Variants in DMPK observed in about 807,000 individuals in gnomAD.
DMPK encodes myotonin-protein kinase.
In DMPK, 32 loss-of-function variants were observed where a neutral mutation model predicts 70.3. The ratio of observed to expected loss-of-function variants is 0.46; its 90% CI spans 0.34 to 0.61. The LOEUF (loss-of-function observed/expected upper bound fraction) is 0.61, where lower values mean the gene tolerates loss of function less well. Among genes scored for constraint, DMPK ranks in the 20% least tolerant of loss-of-function variants. The pLI, the probability that DMPK is intolerant of heterozygous loss-of-function variation, is 0.01. For missense variants in DMPK, 899 were observed against 886.0 expected (o/e 1.01, Z -0.19); for synonymous variants, 469 against 390.9 (o/e 1.20, Z -2.36).
At position 45,772,694 on chromosome 19, in the gene DMPK, G is replaced by T. The variant is rs370658995; in HGVS notation, c.1291C>A (p.Pro431Thr). 1 of 1,526,140 alleles carries T rather than the reference G, an allele frequency of 6.6e-7. No individual in the cohort carries two copies. 94.5% of individuals were successfully genotyped at this position (1,526,140 alleles called of 1,614,324 possible). A position where few individuals can be genotyped will look rare whatever the true frequency, so the allele number is the denominator to read the frequency against. The change falls in exon 10 of 15, where the codon CCA (proline) becomes ACA (threonine). Residue 431 changes from proline to threonine, a missense_variant. By Grantham distance (38) the Pro-to-Thr change is conservative. Transcript: ENST00000291270. ...MELEAEQLLE[P>T]HVQAPSLEPS... ...TCCAGGCTGGGCGCTTGCACGTGTGGCTCAAGCAGCTGCTCGGCCTCCAGT... is the reference window on the plus strand; with the variant it reads ...TCCAGGCTGGGCGCTTGCACGTGTGTCTCAAGCAGCTGCTCGGCCTCCAGT...
chr19:45,771,664 G>C lies in DMPK; in HGVS notation c.1504C>G (p.Gln502Glu), dbSNP rs1969457861. The C allele has an allele frequency of 1.9e-6, 3 of 1,613,924 alleles. No homozygotes were observed. The highest frequency in any genetic ancestry group is 1.6e-4 in the Middle Eastern group (1 of 6,062). The change falls in exon 12 of 15, where the codon CAA becomes GAA. Residue 502 changes from glutamine to glutamate, a missense_variant and splice_region_variant. Transcript: ENST00000291270. ...TTCCGAGCCTCTGCCTCGCGTAGTTGACTGTGGGGAGGTAAGGACGGTGAG... is the reference window on the plus strand; with the variant it reads ...TTCCGAGCCTCTGCCTCGCGTAGTTCACTGTGGGGAGGTAAGGACGGTGAG... The part of the protein sequence containing the change: ...IRTDNQNFAS[Q>E]LREAEARNRD...
Position 45,777,389 on chromosome 19 carries a change from T to C in DMPK, c.1084A>G (p.Thr362Ala). 1 of 1,611,422 alleles carries C rather than the reference T, an allele frequency of 6.2e-7. No individual in the cohort carries two copies. The highest frequency in any genetic ancestry group is 1.1e-5 in the South Asian group (1 of 90,938). Residue 362 changes from threonine to alanine, a missense_variant, in exon 8 of 15, where the codon ACC becomes GCC. Physicochemically the swap from Thr to Ala is moderately conservative, Grantham distance 58 (BLOSUM62 0). Around this residue, in one of 3 missense-constraint regions of DMPK, gnomAD observed 555 missense variants for 483.8 expected, o/e 1.15. Transcript: ENST00000291270. This position sits in a 1 kb window ranked among gnomAD's most constrained non-coding sequence, Gnocchi z 6.7. ...ACCAAGTCGAAGTTGCATGTGTCGG[T>C]GGCACCTTCGAAATCCGGTGTAAAG... ...PPFTPDFEGA[T>A]DTCNFDLVED...
Position 45,771,072 on chromosome 19 carries a change from A to G in DMPK, c.1648-12T>C, listed in dbSNP as rs1190011429. 6.6e-7 allele frequency: 1 copy of G among 1,524,980 alleles called. No individual in the cohort carries two copies. The highest frequency in any genetic ancestry group is 1.4e-5 in the African/African-American group (1 of 71,754). The allele number at this position is 1,524,980 out of a possible 1,614,324, so 94.5% of individuals were successfully genotyped here. ...GGGGGGCCATCTAGCTGGAGAGAGA[A>G]GGGACAGGTGACCCGATCGGAGCCC... is the stretch of plus-strand genomic sequence containing the variant. On this transcript the variant is annotated splice_polypyrimidine_tract_variant and intron_variant, in intron 13 of 14. Transcript: ENST00000291270.
intron 9 of DMPK, among the ~76,000 whole-genome samples, chr19:45,774,473 A>G (rs1184031834): frequency 1.3e-5 from 2 of 151,588 alleles, no homozygotes; most frequent in African/African-American, 4.9e-5. Context: ...CGTGTTAGCC[A>G]GGATGGTCTC....
chr19:45,778,701 T>G, intron 4 of DMPK, 60 bp from the exon 5 acceptor site: 2 of 1,560,094 alleles, frequency 1.3e-6, no homozygotes, highest in Non-Finnish European at 1.7e-6. Context: ...CCATCACGGA[T>G]GGCTGGGACA....
rs1045178096 is a variant in DMPK at position 45,770,029 on chromosome 19, C to T, written c.*459G>A. On this transcript the variant is annotated 3_prime_UTR_variant, in exon 15 of 15. Transcript: ENST00000291270. Reference sequence around the variant, plus strand: ...AGGCAGAGATCGCGCCAGACGCTCCCCAGAGCAGGGCGTCATGCACAAGAA... The same window carrying T: ...AGGCAGAGATCGCGCCAGACGCTCCTCAGAGCAGGGCGTCATGCACAAGAA... 3 of 407,296 alleles carry T rather than the reference C, an allele frequency of 7.4e-6. No individual in the cohort carries two copies. Among genetic ancestry groups the T allele is most frequent in the Non-Finnish European group, 1.4e-5 (3 of 216,324 alleles). The allele number at this position is 407,296 out of a possible 1,614,324, so 25.2% of individuals were successfully genotyped here. A position where few individuals can be genotyped will look rare whatever the true frequency, so the allele number is the denominator to read the frequency against.
intron 13 of DMPK, 87 bp from the exon 14 acceptor site, chr19:45,771,147 G>C (rs1371245092): frequency 6.4e-6 from 8 of 1,242,220 alleles, no homozygotes; most frequent in Non-Finnish European, 8.9e-6. Context: ...AATCGAGGTT[G>C]GGGAGGTTAT....
chr19:45,769,972 G>A lies in DMPK; in HGVS notation c.*516C>T. The A allele has an allele frequency of 1.3e-5, 4 of 302,838 alleles. 1 individual carries two copies. The highest frequency in any genetic ancestry group is 3.7e-5 in the South Asian group (1 of 27,372). The allele number at this position is 302,838 out of a possible 1,614,324, so 18.8% of individuals were successfully genotyped here. A position where few individuals can be genotyped will look rare whatever the true frequency, so the allele number is the denominator to read the frequency against. ...GGGGGCGCGGGATCCCCGAAAAAGC[G>A]GGTTTGGCAAAAGCAAATTTCCCGA... On this transcript the variant is annotated 3_prime_UTR_variant, in exon 15 of 15. Coordinates refer to ENST00000291270, the MANE Select transcript of DMPK (RefSeq NM_004409.5).
At chr19:45,773,426 C>G (rs1343059874) in intron 9 of DMPK, among the ~76,000 whole-genome samples, 1 of 152,082 alleles carries the variant, frequency 6.6e-6, no homozygotes, top group African/African-American at 2.4e-5. Flanking sequence ...GTAATGTTGT[C>G]CAGTAATAAA....
At chr19:45,782,104 GCC>G (rs149612963) in intron 1 of DMPK, 87 bp downstream of exon 1, 3 of 722,578 alleles carry the variant, frequency 4.2e-6, no homozygotes, top group Admixed American at 3.9e-5. Context: ...CTGCCATCCT[GCC>G]CCCCCAACAG....
intron 8 of DMPK, among the ~76,000 whole-genome samples, chr19:45,776,492 C>A (rs977740885): frequency 5.3e-5 from 8 of 151,958 alleles, no homozygotes; most frequent in Admixed American, 3.9e-4. Flanking sequence ...GAGACAGAGT[C>A]TCTCTCCGTT....
rs765451387 is a variant in DMPK, at chr19:45,778,606, C to G, written c.468G>C (p.Leu156=). ...LVMEYYVGGD[L]LTLLSKFGER... is the part of the protein sequence containing the mutation. ...CCCCAAACTTGCTCAGCAGTGTCAG[C>G]AGGTCCCCGCCCACGTAATACTCCA... Residue 156 remains leucine (L), a synonymous_variant, in exon 5 of 15, where the codon CTG becomes CTC. Transcript: ENST00000291270. 3 of 1,613,842 alleles carry G rather than the reference C, an allele frequency of 1.9e-6. No individual in the cohort carries two copies. The African/African-American group carries it at 4.0e-5, about 22-fold the overall frequency.
In DMPK at chr19:45,770,488, T is replaced by C; in HGVS notation, c.1890A>G (p.Ter630TrpextTer45). 1 of 1,550,264 alleles carries C rather than the reference T, an allele frequency of 6.5e-7. No homozygotes were observed. The highest frequency in any genetic ancestry group is 1.2e-5 in the South Asian group (1 of 84,040). Residue 630 changes from the stop codon to tryptophan, a stop_lost, in exon 15 of 15, where the codon TGA (stop) becomes TGG (tryptophan). Transcript: ENST00000291270. ...WRRPGAARAP[*>W] The stretch of plus-strand genomic sequence containing the variant: ...CCGGAGTCGAAGACAGTTCTAGGGT[T>C]CAGGGAGCGCGGGCGGCTCCTGGGC...
chr19:45,771,403 G>A lies in DMPK; in HGVS notation c.1601-7C>T, dbSNP rs749976267. 10 of 1,608,258 alleles carry A rather than the reference G, an allele frequency of 6.2e-6. No individual in the cohort carries two copies. Among genetic ancestry groups the A allele is most frequent in the Admixed American group, 1.7e-5 (1 of 57,736 alleles). On this transcript the variant is annotated splice_region_variant and splice_polypyrimidine_tract_variant and intron_variant, in intron 12 of 14. Coordinates refer to ENST00000291270, the MANE Select transcript of DMPK (RefSeq NM_004409.5). ...CTGGGGACCCCCGTGACAGCTGGAAGGAGAAGAAAGAGGCATAGGGCGCGT... is the reference window on the plus strand; with the variant it reads ...CTGGGGACCCCCGTGACAGCTGGAAAGAGAAGAAAGAGGCATAGGGCGCGT...
intron 14 of DMPK, 109 bp downstream of exon 14, chr19:45,770,862 G>T (rs1175758223): frequency 3.9e-6 from 4 of 1,019,420 alleles, no homozygotes; most frequent in African/African-American, 3.3e-5. Flanking sequence ...CCGAAGATCC[G>T]CCCTCCTGCC....
intron 13 of DMPK, 30 bp from the exon 14 acceptor site, chr19:45,771,090 C>T (rs753859065): frequency 3.3e-6 from 5 of 1,498,694 alleles, no homozygotes; most frequent in Middle Eastern, 1.7e-4. Flanking sequence ...GTGACCCGAT[C>T]GGAGCCCAGC....
rs371072226 is a variant in DMPK at position 45,778,216 on chromosome 19, T to G, written c.586A>C (p.Ile196Leu). 1 of 1,613,334 alleles carries G rather than the reference T, an allele frequency of 6.2e-7. No individual in the cohort carries two copies. ...VHRLGYVHRD[I>L]KPDNILLDRC... is the part of the protein sequence containing the mutation. ...TCCAGCAGGATGTTGTCGGGTTTGA[T>G]GTCCCTGCACGGAGGAAAAGAGAAG... Residue 196 changes from isoleucine to leucine, a missense_variant, in exon 6 of 15, where the codon ATC becomes CTC. Ile to Leu is a conservative substitution (Grantham distance 5). Transcript: ENST00000291270.
chr19:45,777,859 C>A lies in DMPK; in HGVS notation c.690G>T (p.Val230=). 1 of 1,608,842 alleles carries A rather than the reference C, an allele frequency of 6.2e-7. No individual in the cohort carries two copies. The highest frequency in any genetic ancestry group is 8.5e-7 in the Non-Finnish European group (1 of 1,179,536). Residue 230 remains valine (V), a synonymous_variant, in exon 7 of 15, where the codon GTG becomes GTT. Transcript: ENST00000291270. This position sits in a 1 kb window ranked among gnomAD's most constrained non-coding sequence, Gnocchi z 6.7. ...ACAGGTAGTCTGGGGTGCCCACAGC[C>A]ACCAGCGACCGCACCTGGACCAAAA... ...LRADGTVRSL[V]AVGTPDYLSP... is the part of the protein sequence containing the mutation.
chr19:45,772,816 ACTT>A (rs1969549538), intron 9 of DMPK, 64 bp from the exon 10 acceptor site: 1 of 963,044 alleles, frequency 1.0e-6, no homozygotes, highest in East Asian at 3.1e-5. Context: ...GAGAACCAGA[ACTT>A]CTGGCCTGTG....
Sources: allele counts gnomAD v4.1 joint callset (sites outside exome capture counted in the v4.1 genomes callset), GRCh38; gene constraint gnomAD v4.1.1; regional missense constraint gnomAD v4.1.1; non-coding constraint Gnocchi (gnomAD v3.1); transcripts MANE v1.5; gene names NCBI Gene and HGNC (gene_info 2026-07-23, HGNC 2026-07-21).